Variants in CSGALNACT1 observed in about 807,000 individuals in gnomAD.
CSGALNACT1 encodes the protein chondroitin sulfate N-acetylgalactosaminyltransferase 1, also known as beta4GalNAcT-1.
In CSGALNACT1, 52 loss-of-function variants were observed where a neutral mutation model predicts 51.0. The ratio of observed to expected loss-of-function variants is 1.02; its 90% CI spans 0.82 to 1.29. The LOEUF is 1.29. Among genes scored for constraint, CSGALNACT1 ranks in the 50% most tolerant of loss-of-function variants. The pLI is 0.00. For synonymous variants in CSGALNACT1, 341 were observed against 254.4 expected, an observed-to-expected ratio of 1.34 and a Z score of -3.24; for missense variants, 935 against 679.2, an observed-to-expected ratio of 1.38 and a Z score of -4.19.
chr8:19,684,100 A>T (rs2060828338), upstream of CSGALNACT1, among the ~76,000 whole-genome samples: 1 of 152,206 alleles, frequency 6.6e-6, no homozygotes, highest in African/African-American at 2.4e-5. Flanking sequence ...TGGGAGGCGG[A>T]GATTGCAGGG....
intron 2 of CSGALNACT1, among the ~76,000 whole-genome samples, chr8:19,593,197 T>G (rs2048198733): frequency 6.6e-6 from 1 of 152,204 alleles, no homozygotes; most frequent in African/African-American, 2.4e-5. Flanking sequence ...GACAGGATGT[T>G]CACTGTCAAT....
At chr8:19,532,164 T>C (rs1162651748) in intron 3 of CSGALNACT1, 1 of 129,498 alleles carries the variant, frequency 7.7e-6, no homozygotes, top group African/African-American at 3.3e-5. Flanking sequence ...GTTTAGCTTT[T>C]GGAAATTAAA....
At chr8:19,424,935 T>G (rs2058544555) in intron 6 of CSGALNACT1, among the ~76,000 whole-genome samples, 1 of 152,172 alleles carries the variant, frequency 6.6e-6, no homozygotes, top group African/African-American at 2.4e-5. Flanking sequence ...GCTTCCCCCC[T>G]TCCAAGTAAC....
chr8:19,482,546 A>T (rs959578944), intron 4 of CSGALNACT1, among the ~76,000 whole-genome samples: 3 of 151,708 alleles, frequency 2.0e-5, no homozygotes, highest in Non-Finnish European at 2.9e-5. Flanking sequence ...TAATGCCCAC[A>T]CTCTCCATCT....
Position 19,597,285 on chromosome 8 carries a change from C to CTTTTTTTTTTTTTTTTT in CSGALNACT1, c.-416+4469_-416+4485dup, listed in dbSNP as rs35177349. Among the ~76,000 whole-genome samples the CTTTTTTTTTTTTTTTTT allele has an allele frequency of 1.9e-4, 12 of 64,566 alleles. 1 individual carries two copies. Among genetic ancestry groups the CTTTTTTTTTTTTTTTTT allele is most frequent in the African/African-American group, 8.3e-4 (12 of 14,416 alleles). The allele number at this position is 64,566 out of a possible 152,430, so 42.4% of individuals were successfully genotyped here. A position where few individuals can be genotyped will look rare whatever the true frequency, so the allele number is the denominator to read the frequency against. ...GGTTGGGGCTGCCTCTATCTTCTTT[C>CTTTTTTTTTTTTTTTTT]TTTTTTTTTTTTTTTTTTTTTTTTT... On this transcript the variant is annotated intron_variant, in intron 2 of 9. Transcript: ENST00000454498.
At chr8:19,665,904 C>A (rs942530082) in intron 1 of CSGALNACT1, among the ~76,000 whole-genome samples, 1 of 152,232 alleles carries the variant, frequency 6.6e-6, no homozygotes, top group African/African-American at 2.4e-5. Flanking sequence ...AGGACAAGAT[C>A]AATGGACCTA....
In CSGALNACT1 at chr8:19,455,253, G is replaced by T. The variant is rs183868702; in HGVS notation, c.851+3173C>A. On this transcript the variant is annotated intron_variant, in intron 5 of 9. Transcript: ENST00000454498. ...TAAAATCCAAAAATAATCTTTCACT[G>T]AATCTTTAAACAAAATATAAAACAT... Among the ~76,000 whole-genome samples, 59 of 152,206 alleles carry T rather than the reference G, an allele frequency of 3.9e-4. No individual in the cohort carries two copies. In the East Asian group the frequency reaches 0.01, roughly 26 times the overall value.
intron 9 of CSGALNACT1, among the ~76,000 whole-genome samples, chr8:19,406,879 T>C (rs1041152383): frequency 6.6e-6 from 1 of 152,178 alleles, no homozygotes; most frequent in Non-Finnish European, 1.5e-5. Context: ...TGGGTAACTT[T>C]TGTGTTTTTA....
upstream of CSGALNACT1, among the ~76,000 whole-genome samples, chr8:19,685,647 G>T (rs1466637760): frequency 2.6e-5 from 4 of 152,170 alleles, no homozygotes; most frequent in African/African-American, 9.7e-5. Flanking sequence ...TTGAGAGCTG[G>T]GTTCTCAGGC....
intron 3 of CSGALNACT1, among the ~76,000 whole-genome samples, chr8:19,516,213 G>A (rs964786978): frequency 6.6e-6 from 1 of 151,986 alleles, no homozygotes; most frequent in African/African-American, 2.4e-5. Flanking sequence ...TCCTCAAAAC[G>A]ATCCTATGAG....
At chr8:19,405,399 A>G (rs1481787350) in exon 10 of CSGALNACT1, 1 of 462,042 alleles carries the variant, frequency 2.2e-6, no homozygotes, top group Non-Finnish European at 4.3e-6. Context: ...ATGAGGAGAA[A>G]TATGCTTGCC....
intron 1 of CSGALNACT1, among the ~76,000 whole-genome samples, chr8:19,648,532 A>G (rs73214673): frequency 6.6e-6 from 1 of 152,202 alleles, no homozygotes; most frequent in Non-Finnish European, 1.5e-5. Context: ...ACCTGGCTCG[A>G]CACTGTGGCT....
intron 1 of CSGALNACT1, among the ~76,000 whole-genome samples, chr8:19,719,248 T>C (rs982320675): frequency 3.9e-5 from 6 of 152,218 alleles, no homozygotes; most frequent in African/African-American, 1.4e-4. Flanking sequence ...CTTGCCACAT[T>C]GCATGCATTT....
At chr8:19,539,969 T>C (rs888740011) in intron 3 of CSGALNACT1, among the ~76,000 whole-genome samples, 2 of 152,088 alleles carry the variant, frequency 1.3e-5, no homozygotes, top group Non-Finnish European at 2.9e-5. Context: ...CTCCTCCCTC[T>C]TGAAAGAAGA....
At chr8:19,551,781 G>C (rs1010023420) in intron 3 of CSGALNACT1, among the ~76,000 whole-genome samples, 3 of 152,056 alleles carry the variant, frequency 2.0e-5, no homozygotes, top group Non-Finnish European at 4.4e-5. Context: ...CACCCACTAA[G>C]CCTCATGTCA....
chr8:19,664,626 TACAC>T (rs58327790), intron 1 of CSGALNACT1, among the ~76,000 whole-genome samples: 3,008 of 150,294 alleles, frequency 0.02, 47 homozygotes, highest in South Asian at 0.048. Context: ...TGGATGTATG[TACAC>T]ACACACAAAC....
At chr8:19,467,174 C>CA (rs1208707350) in intron 4 of CSGALNACT1, among the ~76,000 whole-genome samples, 1 of 128,898 alleles carries the variant, frequency 7.8e-6, no homozygotes, top group African/African-American at 3.0e-5. Flanking sequence ...GGCTGGAGTG[C>CA]AGTGGTGCGA....
At chr8:19,640,084 C>T (rs2056562565) in intron 1 of CSGALNACT1, among the ~76,000 whole-genome samples, 1 of 151,774 alleles carries the variant, frequency 6.6e-6, no homozygotes, top group Non-Finnish European at 1.5e-5. Context: ...CTGATGAGAC[C>T]TTTCAATGTT....
chr8:19,530,247 CAAAACAAAAA>C (rs1327393857), intron 3 of CSGALNACT1, among the ~76,000 whole-genome samples: 1 of 115,054 alleles, frequency 8.7e-6, no homozygotes, highest in Non-Finnish European at 1.9e-5. Context: ...CAAAACAAAA[CAAAACAAAAA>C]AAATTCAATC....
Sources: gnomAD v4.1 joint callset for allele counts (sites outside exome capture counted in the v4.1 genomes callset) on GRCh38, gnomAD v4.1.1 for gene constraint, MANE v1.5 for transcripts, NCBI Gene and HGNC (gene_info 2026-07-23, HGNC 2026-07-21) for gene names.